The following CYP2B6 variants were observed in gnomAD, a reference collection of about 807,000 sequenced individuals.
The protein encoded by CYP2B6 is cytochrome P450 2B6.
Under a neutral mutation model 43.4 loss-of-function variants are expected in CYP2B6, and 35 were observed. The ratio of observed to expected loss-of-function variants is 0.81; its 90% CI spans 0.62 to 1.07. CYP2B6 has a LOEUF of 1.07. Among genes scored for constraint, CYP2B6 ranks in the 50% least tolerant of loss-of-function variants. The pLI is 0.00. For synonymous variants in CYP2B6, 239 were observed against 239.2 expected, an observed-to-expected ratio of 1.00 and a Z score of 0.01; for missense variants, 624 against 632.8, an observed-to-expected ratio of 0.99 and a Z score of 0.15.
intron 1 of CYP2B6, among the ~76,000 whole-genome samples, chr19:40,999,540 T>A (rs1969049672): frequency 6.6e-6 from 1 of 152,040 alleles, no homozygotes; most frequent in South Asian, 2.1e-4. Flanking sequence ...TCTTCTAGGG[T>A]TTTTATGGTT....
At chr19:41,003,823 T>C in intron 1 of CYP2B6, 178 bp from the exon 2 acceptor site, 2 of 814,120 alleles carry the variant, frequency 2.5e-6, no homozygotes, top group South Asian at 1.5e-5. Context: ...ATTCTCTCCC[T>C]TGGACAGCGT....
chr19:41,014,238 A>G (rs374895074), intron 8 of CYP2B6, among the ~76,000 whole-genome samples: 18 of 152,040 alleles, frequency 1.2e-4, no homozygotes, highest in African/African-American at 4.3e-4. Flanking sequence ...CTTCAATGAA[A>G]ATTGGGAACA....
intron 8 of CYP2B6, among the ~76,000 whole-genome samples, chr19:41,015,803 C>T (rs1046786593): frequency 9.4e-5 from 8 of 85,330 alleles, no homozygotes; most frequent in African/African-American, 2.1e-4. Context: ...CCCACACATA[C>T]CCCAGAAACA....
At chr19:41,003,399 T>G (rs527600420) in intron 1 of CYP2B6, among the ~76,000 whole-genome samples, 1 of 152,108 alleles carries the variant, frequency 6.6e-6, no homozygotes, top group African/African-American at 2.4e-5. Flanking sequence ...TGGTGAGAGA[T>G]ATCATCATCC....
chr19:40,994,036 T>C (rs1296907682), intron 1 of CYP2B6, among the ~76,000 whole-genome samples: 2 of 152,116 alleles, frequency 1.3e-5, no homozygotes, highest in Admixed American at 6.5e-5. Flanking sequence ...CCTTAATGTA[T>C]AACTTAGCCT....
At chr19:41,008,344 C>T (rs10425866) in intron 4 of CYP2B6, among the ~76,000 whole-genome samples, 30,742 of 130,418 alleles carry the variant, frequency 0.24, 4,124 homozygotes, top group African/African-American at 0.33. Context: ...CCCGAGCAGC[C>T]GGGACTATAG....
intron 8 of CYP2B6, among the ~76,000 whole-genome samples, chr19:41,014,931 A>G (rs1053193470): frequency 2.0e-5 from 3 of 152,062 alleles, no homozygotes; most frequent in Non-Finnish European, 4.4e-5. Flanking sequence ...AGAGAGAGTG[A>G]CATAAAAAGA....
rs1599846051 is a variant in CYP2B6, at chr19:41,004,170, G to A, written c.334+7G>A. 6 of 964,392 alleles carry A rather than the reference G, an allele frequency of 6.2e-6. No homozygotes were observed. The highest frequency in any genetic ancestry group is 9.0e-6 in the Non-Finnish European group (6 of 669,092). 59.7% of individuals were successfully genotyped at this position (964,392 alleles called of 1,614,324 possible). On this transcript the variant is annotated splice_region_variant and intron_variant, in intron 2 of 8. Coordinates refer to ENST00000324071, the MANE Select transcript of CYP2B6 (RefSeq NM_000767.5). ...CCATTCTTCCGGGGATATGGTGAGAGCCTCAGAGGCACTGGGAGGGGGCGG... is the reference window on the plus strand; with the variant it reads ...CCATTCTTCCGGGGATATGGTGAGAACCTCAGAGGCACTGGGAGGGGGCGG...
chr19:41,005,418 A>G (rs1388848455), intron 3 of CYP2B6, among the ~76,000 whole-genome samples: 1 of 152,092 alleles, frequency 6.6e-6, no homozygotes, highest in Non-Finnish European at 1.5e-5. Flanking sequence ...GGGGACAAGA[A>G]GACTGAAGAG....
chr19:41,011,719 CA>C (rs1019698575), intron 6 of CYP2B6, among the ~76,000 whole-genome samples: 1 of 151,940 alleles, frequency 6.6e-6, no homozygotes, highest in Non-Finnish European at 1.5e-5. Flanking sequence ...TCTGAAATTC[CA>C]TGCAAAATCG....
At chr19:41,011,158 A>G (rs1305241789) in intron 6 of CYP2B6, among the ~76,000 whole-genome samples, 1 of 152,152 alleles carries the variant, frequency 6.6e-6, no homozygotes, top group African/African-American at 2.4e-5. Flanking sequence ...TCCTTCTACG[A>G]ACTAGGTTTC....
At chr19:41,004,257 ACTT>A (rs762481373) in intron 2 of CYP2B6, 37 bp from the exon 3 acceptor site, 2 of 1,613,630 alleles carry the variant, frequency 1.2e-6, no homozygotes, top group South Asian at 1.1e-5. Flanking sequence ...CCTTCTTCCA[ACTT>A]CTTCTACAAC....
At chr19:41,007,752 T>C (rs1969215139) in intron 4 of CYP2B6, among the ~76,000 whole-genome samples, 1 of 152,054 alleles carries the variant, frequency 6.6e-6, no homozygotes, top group African/African-American at 2.4e-5. Context: ...CAGCCTCCTG[T>C]AGCTGGGATT....
intron 1 of CYP2B6, among the ~76,000 whole-genome samples, chr19:40,992,201 CA>C (rs561830421): frequency 0.02 from 1,275 of 62,580 alleles, 15 homozygotes; most frequent in African/African-American, 0.042. Context: ...GACTCCTTCT[CA>C]AAAAAAAAAA....
chr19:40,991,534 G>A (rs1459376291), intron 1 of CYP2B6, 58 bp downstream of exon 1: 4 of 1,592,046 alleles, frequency 2.5e-6, no homozygotes, highest in Non-Finnish European at 3.4e-6. Context: ...GGTACTTGGG[G>A]AAGCTTCACC....
At chr19:41,014,119 G>T (rs1489667724) in intron 8 of CYP2B6, among the ~76,000 whole-genome samples, 2 of 152,120 alleles carry the variant, frequency 1.3e-5, no homozygotes, top group Non-Finnish European at 2.9e-5. Flanking sequence ...TCCATGAAAG[G>T]CCCCAGAAAC....
chr19:41,017,324 T>G lies in CYP2B6; in HGVS notation c.*497T>G, dbSNP rs2144682595. On this transcript the variant is annotated 3_prime_UTR_variant, in exon 9 of 9. Coordinates refer to ENST00000324071, the MANE Select transcript of CYP2B6 (RefSeq NM_000767.5). Reference sequence around the variant, plus strand: ...TCCCAAAGTGCTGGGATTACAGGCGTGAGTCACCGTGCCCAGCCATGTATA... The same window carrying G: ...TCCCAAAGTGCTGGGATTACAGGCGGGAGTCACCGTGCCCAGCCATGTATA... The G allele has an allele frequency of 6.6e-6, 1 of 152,602 alleles. No homozygotes were observed. The highest frequency in any genetic ancestry group is 2.1e-4 in the South Asian group (1 of 4,840). 9.5% of individuals were successfully genotyped at this position (152,602 alleles called of 1,614,324 possible).
intron 4 of CYP2B6, among the ~76,000 whole-genome samples, chr19:41,007,878 A>G (rs1442464030): frequency 6.6e-6 from 1 of 152,040 alleles, no homozygotes; most frequent in East Asian, 1.9e-4. Context: ...TGCCCGCCTC[A>G]GACTCCTAAA....
At chr19:40,992,408 A>G (rs1475095427) in intron 1 of CYP2B6, among the ~76,000 whole-genome samples, 2 of 152,058 alleles carry the variant, frequency 1.3e-5, no homozygotes, top group African/African-American at 4.8e-5. Context: ...GGAATTCACA[A>G]TGGACAATGT....
Sources: gnomAD v4.1 joint callset for allele counts (sites outside exome capture counted in the v4.1 genomes callset) on GRCh38, gnomAD v4.1.1 for gene constraint, MANE v1.5 for transcripts, NCBI Gene and HGNC (gene_info 2026-07-23, HGNC 2026-07-21) for gene names.